Variants in FASTKD2 observed in about 807,000 individuals in gnomAD.
The protein encoded by FASTKD2 is FAST kinase domains 2, also known as FAST kinase domain-containing protein 2, mitochondrial.
FASTKD2 carries 51 observed loss-of-function variants against 63.6 expected under a neutral mutation model. The ratio of observed to expected loss-of-function variants is 0.80; its 90% CI spans 0.64 to 1.01. The LOEUF is 1.01. Ranked by LOEUF, FASTKD2 falls within the 50% of genes least tolerant of loss-of-function variation. The probability of loss-of-function intolerance (pLI) is 0.00; values close to 1 mark genes in which losing one functional copy is unlikely to be tolerated. For synonymous variants in FASTKD2, 284 were observed against 293.4 expected (o/e 0.97, Z 0.33); for missense variants, 786 against 831.1 (o/e 0.95, Z 0.67).
At chr2:206,782,789 A>T (rs1690026435) in intron 7 of FASTKD2, among the ~76,000 whole-genome samples, 2 of 152,180 alleles carry the variant, frequency 1.3e-5, no homozygotes, top group Admixed American at 6.5e-5. Flanking sequence ...TAAAATGGAG[A>T]TGAGCTATGT....
intron 2 of FASTKD2, among the ~76,000 whole-genome samples, chr2:206,769,074 C>CTT (rs1689599802): frequency 6.6e-6 from 1 of 152,174 alleles, no homozygotes. Context: ...GTAGTCAAAA[C>CTT]ATCTGTATGG....
rs1414091582 is a variant in FASTKD2, at chr2:206,794,455, A to G, written c.*2653A>G. 6.6e-6 allele frequency among the ~76,000 whole-genome samples: 1 copy of G among 152,098 alleles called. No individual in the cohort carries two copies. The highest frequency in any genetic ancestry group is 1.5e-5 in the Non-Finnish European group (1 of 68,006). ...GGGGCCCTGCTATGTTACCCAGGCT[A>G]GCTTCAAACTCCTGGGCTCAAGGGA... On this transcript the variant is annotated 3_prime_UTR_variant, in exon 12 of 12. Transcript: ENST00000402774.
intron 7 of FASTKD2, chr2:206,783,382 C>G (rs937259417): frequency 6.5e-6 from 1 of 153,668 alleles, no homozygotes; most frequent in Non-Finnish European, 1.5e-5. Flanking sequence ...GAGTCCGACC[C>G]AGCTGCCTGT....
rs975033627 is a variant in FASTKD2, at chr2:206,794,226, CACT to C, written c.*2425_*2427del. Among the ~76,000 whole-genome samples, 3 of 152,064 alleles carry C rather than the reference CACT, an allele frequency of 2.0e-5. No individual in the cohort carries two copies. The highest frequency in any genetic ancestry group is 4.8e-5 in the African/African-American group (2 of 41,374). ...CTTTTTTCTCTGTCCCCTAAACAACCACTGATCTATGGCACACATAGAAAAAAA... is the reference window on the plus strand; with the variant it reads ...CTTTTTTCTCTGTCCCCTAAACAACCGATCTATGGCACACATAGAAAAAAA... On this transcript the variant is annotated 3_prime_UTR_variant, in exon 12 of 12. Transcript: ENST00000402774.
intron 1 of FASTKD2, among the ~76,000 whole-genome samples, chr2:206,766,085 C>T (rs867467736): frequency 3.8e-4 from 58 of 151,850 alleles, no homozygotes; most frequent in Middle Eastern, 3.4e-3. Flanking sequence ...CATGGTGAAA[C>T]TCCGTCTTTA....
At chr2:206,788,242 G>A (rs1455218176) in intron 9 of FASTKD2, 87 bp downstream of exon 9, 1 of 864,298 alleles carries the variant, frequency 1.2e-6, no homozygotes, top group African/African-American at 1.7e-5. Context: ...TGTGGCAGCA[G>A]TTTAGTGTAG....
chr2:206,788,233 G>T (rs968526483), intron 9 of FASTKD2, 78 bp downstream of exon 9: 12 of 1,018,744 alleles, frequency 1.2e-5, no homozygotes, highest in Non-Finnish European at 1.8e-5. Context: ...ATAGGTATTT[G>T]TGGCAGCAGT....
chr2:206,778,609 T>C (rs1457390318), intron 7 of FASTKD2, among the ~76,000 whole-genome samples: 2 of 152,100 alleles, frequency 1.3e-5, no homozygotes, highest in Admixed American at 6.5e-5. Flanking sequence ...GAGGAAAATA[T>C]GTGTTCTGGT....
Position 206,779,463 on chromosome 2 carries a change from C to G in FASTKD2, c.1427+5066C>G, listed in dbSNP as rs1367138884. On this transcript the variant is annotated intron_variant, in intron 7 of 11. Transcript: ENST00000402774. Reference sequence around the variant, plus strand: ...AACAGTTCCACATGACTGGGGAGGCCTCAGGAGACTTACAATTATGGCGGA... The same window carrying G: ...AACAGTTCCACATGACTGGGGAGGCGTCAGGAGACTTACAATTATGGCGGA... Among the ~76,000 whole-genome samples the G allele has an allele frequency of 2.6e-5, 4 of 152,098 alleles. No individual in the cohort carries two copies. In the East Asian group the frequency reaches 7.7e-4, roughly 29 times the overall value.
rs1396832343 is a variant in FASTKD2 at position 206,771,222 on chromosome 2, T to C, written c.922T>C (p.Phe308Leu). ...DQQVWKIEDV[F>L]TLQVVMKCIG... ...GCAAGTTTGGAAAATAGAAGATGTCTTCACATTACAAGTTGTGATGAAGTG... is the reference window on the plus strand; with the variant it reads ...GCAAGTTTGGAAAATAGAAGATGTCCTCACATTACAAGTTGTGATGAAGTG... Residue 308 changes from phenylalanine (F) to leucine (L), a missense_variant, in exon 4 of 12, where the codon TTC (phenylalanine) becomes CTC (leucine). By Grantham distance (22) the Phe-to-Leu change is conservative. Transcript: ENST00000402774. 1 of 1,611,264 alleles carries C rather than the reference T, an allele frequency of 6.2e-7. No homozygotes were observed.
At chr2:206,790,452 G>A (rs920062152) in intron 10 of FASTKD2, 120 bp from the exon 11 acceptor site, 11 of 727,338 alleles carry the variant, frequency 1.5e-5, no homozygotes, top group Non-Finnish European at 2.3e-5. Context: ...ACTAAGACAG[G>A]AATATCAAGG....
Position 206,794,574 on chromosome 2 carries a change from T to G in FASTKD2, c.*2772T>G, listed in dbSNP as rs1690390643. Reference sequence around the variant, plus strand: ...TCTTGATTGAGACATTTACCAGCTCTCCGAATTCTCAGTAGTTACCACTGA... The same window carrying G: ...TCTTGATTGAGACATTTACCAGCTCGCCGAATTCTCAGTAGTTACCACTGA... On this transcript the variant is annotated 3_prime_UTR_variant, in exon 12 of 12. Transcript: ENST00000402774. 6.6e-6 allele frequency among the ~76,000 whole-genome samples: 1 copy of G among 152,130 alleles called. No homozygotes were observed. The highest frequency in any genetic ancestry group is 1.5e-5 in the Non-Finnish European group (1 of 68,028).
chr2:206,767,132 A>G lies in FASTKD2; in HGVS notation c.439A>G (p.Lys147Glu), dbSNP rs1689528970. 6.2e-7 allele frequency: 1 copy of G among 1,614,158 alleles called. No individual in the cohort carries two copies. Among genetic ancestry groups the G allele is most frequent in the Non-Finnish European group, 8.5e-7 (1 of 1,179,992 alleles). ...AGTCTCCAATGAAGATGTTCTTACC[A>G]AGGAAACAAAACCAAACCGTATCAG... ...HEVSNEDVLT[K>E]ETKPNRISSR... Residue 147 changes from lysine to glutamate, a missense_variant, in exon 2 of 12, where the codon AAG (lysine) becomes GAG (glutamate). Lys to Glu is a moderately conservative substitution (Grantham distance 56). Coordinates refer to ENST00000402774, the MANE Select transcript of FASTKD2 (RefSeq NM_001136193.2).
chr2:206,783,581 C>A (rs1206638203), intron 7 of FASTKD2, among the ~76,000 whole-genome samples: 1 of 151,926 alleles, frequency 6.6e-6, no homozygotes, highest in Non-Finnish European at 1.5e-5. Flanking sequence ...AGAAACAGCC[C>A]CAGAGGGATT....
chr2:206,779,972 T>C (rs1260074322), intron 7 of FASTKD2, among the ~76,000 whole-genome samples: 1 of 152,230 alleles, frequency 6.6e-6, no homozygotes, highest in Non-Finnish European at 1.5e-5. Flanking sequence ...TAACAGTCTA[T>C]TTTAAGCTGA....
At position 206,786,801 on chromosome 2, in the gene FASTKD2, T is replaced by C. The variant is rs866065523; in HGVS notation, c.1496T>C (p.Leu499Ser). ...YLHTISSENLLDAVYSFCLMN... is the reference protein window; with the variant it reads ...YLHTISSENLSDAVYSFCLMN... Reference sequence around the variant, plus strand: ...CACACTATTTCTTCTGAAAACTTATTGGATGCAGTATATTCATTTTGCTTG... The same window carrying C: ...CACACTATTTCTTCTGAAAACTTATCGGATGCAGTATATTCATTTTGCTTG... Residue 499 changes from leucine (L) to serine (S), a missense_variant, in exon 8 of 12, where the codon TTG (leucine) becomes TCG (serine). By Grantham distance (145) the Leu-to-Ser change is moderately radical. Coordinates refer to ENST00000402774, the MANE Select transcript of FASTKD2 (RefSeq NM_001136193.2). 7.4e-6 allele frequency: 12 copies of C among 1,613,538 alleles called. No individual in the cohort carries two copies. The Middle Eastern group carries it at 6.6e-4, about 88-fold the overall frequency.
At chr2:206,789,101 A>G (rs2105988111) in intron 10 of FASTKD2, 198 bp downstream of exon 10, 4 of 570,256 alleles carry the variant, frequency 7.0e-6, no homozygotes, top group South Asian at 2.2e-5. Context: ...AATGGACTAC[A>G]GTATTGGTCA....
At position 206,772,267 on chromosome 2, in the gene FASTKD2, A is replaced by C. The variant is rs1475590873; in HGVS notation, c.1201A>C (p.Lys401Gln). The C allele has an allele frequency of 5.6e-6, 9 of 1,614,078 alleles. No individual in the cohort carries two copies. The highest frequency in any genetic ancestry group is 6.8e-6 in the Non-Finnish European group (8 of 1,179,916). Residue 401 changes from lysine to glutamine, a missense_variant, in exon 6 of 12, where the codon AAG becomes CAG. By Grantham distance (53) the Lys-to-Gln change is moderately conservative. Transcript: ENST00000402774. ...CCAGTACCATAATTTGGATCTCTTCAAGGGACTTGCAGATTATGTGGCTGC... is the reference window on the plus strand; with the variant it reads ...CCAGTACCATAATTTGGATCTCTTCCAGGGACTTGCAGATTATGTGGCTGC... ...DLQYHNLDLFKGLADYVAATF... is the reference protein window; with the variant it reads ...DLQYHNLDLFQGLADYVAATF...
intron 6 of FASTKD2, among the ~76,000 whole-genome samples, chr2:206,773,219 G>A (rs1689734965): frequency 6.6e-6 from 1 of 151,108 alleles, no homozygotes; most frequent in African/African-American, 2.4e-5. Flanking sequence ...GGGGGCTGAG[G>A]CAGGAGGACC....
Sources: gnomAD v4.1 joint callset for allele counts (sites outside exome capture counted in the v4.1 genomes callset) on GRCh38, gnomAD v4.1.1 for gene constraint, MANE v1.5 for transcripts, NCBI Gene and HGNC (gene_info 2026-07-23, HGNC 2026-07-21) for gene names.